The following BATF2 variants were observed in gnomAD, a reference collection of about 807,000 sequenced individuals.
BATF2 encodes basic leucine zipper ATF-like transcription factor 2.
BATF2 carries 4 observed loss-of-function variants against 7.3 expected under a neutral mutation model. The observed-to-expected ratio is 0.55, with a 90% confidence interval of 0.27 to 1.26. BATF2 has a LOEUF of 1.26. BATF2 is among the 50% of genes most tolerant of loss of function. The probability of loss-of-function intolerance (pLI) is 0.11; values close to 1 mark genes in which losing one functional copy is unlikely to be tolerated. For missense variants in BATF2, 295 were observed against 340.5 expected, an observed-to-expected ratio of 0.87 and a Z score of 1.05; for synonymous variants, 152 against 153.9, an observed-to-expected ratio of 0.99 and a Z score of 0.09.
rs192122369 is a variant in BATF2, at chr11:64,988,789, C to A, written c.*340G>T. Reference sequence around the variant, plus strand: ...AGCCCCTAGGATGCCTGGGCCAGGACAGGAGAAGGAGGAGCAGAGGGTGGT... The same window carrying A: ...AGCCCCTAGGATGCCTGGGCCAGGAAAGGAGAAGGAGGAGCAGAGGGTGGT... On this transcript the variant is annotated 3_prime_UTR_variant, in exon 3 of 3. Coordinates refer to ENST00000301887, the MANE Select transcript of BATF2 (RefSeq NM_138456.4). 2.0e-3 allele frequency: 636 copies of A among 324,066 alleles called. 6 individuals are homozygous for A. The highest frequency in any genetic ancestry group is 0.012 in the African/African-American group (561 of 46,670). 20.1% of individuals were successfully genotyped at this position (324,066 alleles called of 1,614,324 possible).
Position 64,989,867 on chromosome 11 carries a change from G to C in BATF2, c.142-55C>G. 1 of 1,587,898 alleles carries C rather than the reference G, an allele frequency of 6.3e-7. No homozygotes were observed. The highest frequency in any genetic ancestry group is 8.6e-7 in the Non-Finnish European group (1 of 1,162,526). ...AACCTCAGCCAGTGTCAGGGGCCCCGCATGAGCCTTAGCCCCTTCCAGGGT... is the reference window on the plus strand; with the variant it reads ...AACCTCAGCCAGTGTCAGGGGCCCCCCATGAGCCTTAGCCCCTTCCAGGGT... On this transcript the variant is annotated intron_variant, in intron 2 of 2. Transcript: ENST00000301887. This position sits in a 1 kb window ranked among gnomAD's most constrained non-coding sequence, Gnocchi z 4.3.
At chr11:64,990,106 C>T (rs1037896992) in intron 2 of BATF2, 150 of 1,535,628 alleles carry the variant, frequency 9.8e-5, no homozygotes, top group Non-Finnish European at 1.3e-4. Context: ...ACCCGTGTGT[C>T]CCCCAAACCA....
At chr11:64,992,258 G>A (rs1946082688) in intron 2 of BATF2, among the ~76,000 whole-genome samples, 1 of 151,922 alleles carries the variant, frequency 6.6e-6, no homozygotes, top group Non-Finnish European at 1.5e-5. Flanking sequence ...TAGAGATGGG[G>A]TTTTACCACG....
intron 2 of BATF2, among the ~76,000 whole-genome samples, chr11:64,992,978 GCA>G (rs1451403490): frequency 2.0e-5 from 3 of 151,738 alleles, no homozygotes; most frequent in Admixed American, 6.6e-5. Flanking sequence ...GGGCAACATA[GCA>G]AGACCCCCAT....
At chr11:64,995,843 C>A (rs891234416) in intron 1 of BATF2, among the ~76,000 whole-genome samples, 2 of 152,286 alleles carry the variant, frequency 1.3e-5, no homozygotes, top group Admixed American at 1.3e-4. Flanking sequence ...CACTGGGGCA[C>A]CAAGAAACTA....
chr11:64,994,589 G>A, intron 1 of BATF2, 40 bp from the exon 2 acceptor site: 1 of 1,548,320 alleles, frequency 6.5e-7, no homozygotes, highest in African/African-American at 1.4e-5. Flanking sequence ...GGCCCAGCCA[G>A]GCCTTGTGCC....
rs140975868 is a variant in BATF2 at position 64,989,033 on chromosome 11, C to T, written c.*96G>A. 1.7e-4 allele frequency: 243 copies of T among 1,418,512 alleles called. 2 individuals are homozygous for T. In the East Asian group the frequency reaches 4.6e-3, roughly 27 times the overall value. 87.9% of individuals were successfully genotyped at this position (1,418,512 alleles called of 1,614,324 possible). ...AAATCCTGGGCCAGCTGGTCAGCCA[C>T]GCAGGGCAGCACCCAGTAGTGAGGG... On this transcript the variant is annotated 3_prime_UTR_variant, in exon 3 of 3. Transcript: ENST00000301887. The surrounding 1 kb of genome is among the most constrained non-coding windows in gnomAD (Gnocchi z 4.3).
chr11:64,991,429 G>T (rs1430072296), intron 2 of BATF2, among the ~76,000 whole-genome samples: 2 of 151,798 alleles, frequency 1.3e-5, no homozygotes, highest in Non-Finnish European at 2.9e-5. Flanking sequence ...TGCTGGGATT[G>T]CAGGCGTGAG....
Position 64,990,458 on chromosome 11 carries a change from TC to T in BATF2, c.142-647del, listed in dbSNP as rs1946067232. On this transcript the variant is annotated intron_variant, in intron 2 of 2. Transcript: ENST00000301887. Reference sequence around the variant, plus strand: ...CACTGCCCTTTTGAGGGCCCAGAACTCGCCCCTACGAGCACTGTGGGAGGAT... The same window carrying T: ...CACTGCCCTTTTGAGGGCCCAGAACTGCCCCTACGAGCACTGTGGGAGGAT... 3.9e-6 allele frequency: 5 copies of T among 1,277,596 alleles called. No individual in the cohort carries two copies. In the East Asian group the frequency reaches 1.9e-4, roughly 49 times the overall value. 79.1% of individuals were successfully genotyped at this position (1,277,596 alleles called of 1,614,324 possible).
At chr11:64,994,573 T>G (rs774039840) in intron 1 of BATF2, 24 bp from the exon 2 acceptor site, 17 of 1,574,232 alleles carry the variant, frequency 1.1e-5, no homozygotes, top group Non-Finnish European at 1.5e-5. Context: ...GGCAGAGGAC[T>G]CAGGGGGCCC....
chr11:64,995,572 G>C (rs1946104278), intron 1 of BATF2, among the ~76,000 whole-genome samples: 1 of 152,202 alleles, frequency 6.6e-6, no homozygotes, highest in African/African-American at 2.4e-5. Context: ...CTCAAAGGTT[G>C]TGACCACCTT....
At chr11:64,994,408 G>A (rs1313523769) in intron 2 of BATF2, 40 bp downstream of exon 2, 8 of 1,539,896 alleles carry the variant, frequency 5.2e-6, no homozygotes, top group Non-Finnish European at 7.0e-6. Flanking sequence ...GCCAGTAAGT[G>A]GAGCCAGAGA....
At chr11:64,991,991 C>T (rs1946080844) in intron 2 of BATF2, among the ~76,000 whole-genome samples, 1 of 152,044 alleles carries the variant, frequency 6.6e-6, no homozygotes, top group Non-Finnish European at 1.5e-5. Flanking sequence ...GGGAAAACGC[C>T]CATTTGTCCT....
intron 2 of BATF2, among the ~76,000 whole-genome samples, chr11:64,992,615 C>G (rs1034497324): frequency 6.6e-6 from 1 of 151,916 alleles, no homozygotes; most frequent in African/African-American, 2.4e-5. Context: ...AATCCCAGCA[C>G]TTTGGGAGGC....
intron 1 of BATF2, among the ~76,000 whole-genome samples, chr11:64,995,232 G>C (rs1946102311): frequency 6.6e-6 from 1 of 152,156 alleles, no homozygotes; most frequent in Non-Finnish European, 1.5e-5. Flanking sequence ...TAAAGCCCAT[G>C]CGGCAGGCAG....
intron 2 of BATF2, among the ~76,000 whole-genome samples, chr11:64,992,981 A>T (rs987218120): frequency 2.0e-5 from 3 of 152,166 alleles, no homozygotes; most frequent in Admixed American, 6.6e-5. Context: ...CAACATAGCA[A>T]GACCCCCATC....
rs888888949 is a variant in BATF2, at chr11:64,994,334, C to T, written c.141+114G>A. On this transcript the variant is annotated intron_variant, in intron 2 of 2. Coordinates refer to ENST00000301887, the MANE Select transcript of BATF2 (RefSeq NM_138456.4). ...CTTTTCTCATCCCAAACTCAGGTGACCTAGAAAAATACAGGAGTTTGGGGG... is the reference window on the plus strand; with the variant it reads ...CTTTTCTCATCCCAAACTCAGGTGATCTAGAAAAATACAGGAGTTTGGGGG... 2.6e-5 allele frequency: 26 copies of T among 1,019,340 alleles called. No homozygotes were observed. In the African/African-American group the frequency reaches 4.0e-4, roughly 16 times the overall value. The allele number at this position is 1,019,340 out of a possible 1,614,324, so 63.1% of individuals were successfully genotyped here. A position where few individuals can be genotyped will look rare whatever the true frequency, so the allele number is the denominator to read the frequency against.
At chr11:64,991,234 G>A (rs147512529) in intron 2 of BATF2, among the ~76,000 whole-genome samples, 3 of 145,448 alleles carry the variant, frequency 2.1e-5, no homozygotes, top group Middle Eastern at 3.7e-3. Context: ...TCGGCTCACT[G>A]CAACCTCTGC....
intron 2 of BATF2, chr11:64,990,028 T>A: frequency 6.5e-7 from 1 of 1,537,546 alleles, no homozygotes. Context: ...CAGATCCGCC[T>A]GCTGTCATCC....
Sources: allele counts gnomAD v4.1 joint callset (sites outside exome capture counted in the v4.1 genomes callset), GRCh38; gene constraint gnomAD v4.1.1; non-coding constraint Gnocchi (gnomAD v3.1); transcripts MANE v1.5; gene names NCBI Gene and HGNC (gene_info 2026-07-23, HGNC 2026-07-21).